PIP5K1B: variants seen among roughly 807,000 people sequenced by gnomAD.
The protein encoded by PIP5K1B is phosphatidylinositol 4-phosphate 5-kinase type-1 beta.
A neutral mutation model predicts 67.0 loss-of-function variants in PIP5K1B; 42 were observed. The ratio of observed to expected loss-of-function variants is 0.63; its 90% CI spans 0.49 to 0.81. The LOEUF is 0.81. Among genes scored for constraint, PIP5K1B ranks in the 30% least tolerant of loss-of-function variants. The probability of loss-of-function intolerance (pLI) is 0.00; values close to 1 mark genes in which losing one functional copy is unlikely to be tolerated. For synonymous variants in PIP5K1B, 214 were observed against 231.4 expected (o/e 0.92, Z 0.68); for missense variants, 459 against 646.3 (o/e 0.71, Z 3.14).
At chr9:69,005,675 G>T (rs116410794) in intron 15 of PIP5K1B, among the ~76,000 whole-genome samples, 2 of 151,836 alleles carry the variant, frequency 1.3e-5, no homozygotes, top group Non-Finnish European at 2.9e-5. Context: ...CACCACACCC[G>T]GACTTTACAG....
chr9:68,842,180 G>T (rs140037627), intron 4 of PIP5K1B, among the ~76,000 whole-genome samples: 1 of 152,160 alleles, frequency 6.6e-6, no homozygotes, highest in African/African-American at 2.4e-5. Context: ...TTGAGAACCC[G>T]GCTTTCATCT....
At chr9:68,804,725 G>A (rs1202563592) in intron 2 of PIP5K1B, among the ~76,000 whole-genome samples, 2 of 151,684 alleles carry the variant, frequency 1.3e-5, no homozygotes, top group Non-Finnish European at 2.9e-5. Context: ...CCAAAGCACT[G>A]GAACTACAGG....
chr9:68,968,709 A>AT lies in PIP5K1B; in HGVS notation c.1503-22430dup, dbSNP rs1237963463. Among the ~76,000 whole-genome samples the AT allele has an allele frequency of 6.7e-4, 93 of 138,614 alleles. 1 individual carries two copies. The highest frequency in any genetic ancestry group is 3.6e-3 in the Middle Eastern group (1 of 274). 90.9% of individuals were successfully genotyped at this position (138,614 alleles called of 152,430 possible). A position where few individuals can be genotyped will look rare whatever the true frequency, so the allele number is the denominator to read the frequency against. Reference sequence around the variant, plus strand: ...TTAGGATCCTTGTTTATATATATATATATATATTTTTTTTTTGCATGTGTT... The same window carrying AT: ...TTAGGATCCTTGTTTATATATATATATTATATATTTTTTTTTTGCATGTGTT... On this transcript the variant is annotated intron_variant, in intron 14 of 15. Transcript: ENST00000265382.
At chr9:68,982,074 C>G (rs1468259036) in intron 14 of PIP5K1B, among the ~76,000 whole-genome samples, 1 of 152,156 alleles carries the variant, frequency 6.6e-6, no homozygotes, top group Non-Finnish European at 1.5e-5. Flanking sequence ...CAGCCTGAAT[C>G]GAGAGAATTG....
intron 1 of PIP5K1B, among the ~76,000 whole-genome samples, chr9:68,720,948 G>T (rs1025883503): frequency 1.3e-5 from 2 of 152,200 alleles, no homozygotes; most frequent in African/African-American, 4.8e-5. Flanking sequence ...CTGTATAACA[G>T]TGATAGCAGC....
At chr9:68,842,270 A>C (rs995478945) in intron 4 of PIP5K1B, among the ~76,000 whole-genome samples, 1 of 152,226 alleles carries the variant, frequency 6.6e-6, no homozygotes, top group Non-Finnish European at 1.5e-5. Flanking sequence ...ACAGGCAGGG[A>C]GGGTGGACAG....
intron 14 of PIP5K1B, among the ~76,000 whole-genome samples, chr9:68,969,353 G>A (rs961420010): frequency 5.6e-5 from 7 of 125,228 alleles, no homozygotes; most frequent in Admixed American, 9.8e-5. Flanking sequence ...GGGCAACAGA[G>A]CGAGACTCCA....
intron 2 of PIP5K1B, among the ~76,000 whole-genome samples, chr9:68,761,402 A>T (rs192133311): frequency 4.5e-4 from 69 of 152,198 alleles, no homozygotes; most frequent in Non-Finnish European, 2.8e-4. Flanking sequence ...TTACAGAAAT[A>T]ATTTATTTCT....
At chr9:68,771,301 G>A (rs917937751) in intron 2 of PIP5K1B, among the ~76,000 whole-genome samples, 5 of 152,152 alleles carry the variant, frequency 3.3e-5, no homozygotes, top group Non-Finnish European at 5.9e-5. Context: ...TTATAAACTC[G>A]CTAGTATCTG....
At chr9:68,788,707 C>A in intron 2 of PIP5K1B, 1 of 260,126 alleles carries the variant, frequency 3.8e-6, no homozygotes. Context: ...GTCAGGCTCA[C>A]GTTTAGGACC....
At chr9:68,820,633 T>C (rs1450962997) in intron 3 of PIP5K1B, among the ~76,000 whole-genome samples, 1 of 152,210 alleles carries the variant, frequency 6.6e-6, no homozygotes, top group Admixed American at 6.5e-5. Context: ...AAGCCCAGAA[T>C]TTAAAGCATG....
At chr9:68,848,570 A>G (rs1417833715) in intron 4 of PIP5K1B, among the ~76,000 whole-genome samples, 2 of 152,184 alleles carry the variant, frequency 1.3e-5, no homozygotes, top group African/African-American at 4.8e-5. Context: ...CTTCTAAAGG[A>G]CTATTTTAAA....
At chr9:68,965,114 G>A (rs1396982793) in intron 14 of PIP5K1B, among the ~76,000 whole-genome samples, 1 of 152,172 alleles carries the variant, frequency 6.6e-6, no homozygotes, top group Non-Finnish European at 1.5e-5. Context: ...CCACTCTGCT[G>A]TTGACCAGCT....
At chr9:68,706,733 A>G (rs751337001) in intron 1 of PIP5K1B, among the ~76,000 whole-genome samples, 3 of 152,182 alleles carry the variant, frequency 2.0e-5, no homozygotes, top group Non-Finnish European at 2.9e-5. Context: ...AGGGACCGGT[A>G]GGACCTCAGA....
intron 2 of PIP5K1B, among the ~76,000 whole-genome samples, chr9:68,811,160 G>C (rs1385274301): frequency 6.6e-6 from 1 of 152,192 alleles, no homozygotes; most frequent in African/African-American, 2.4e-5. Flanking sequence ...TATAACAATA[G>C]AAACGTGTGT....
At chr9:68,993,648 G>GA (rs1830476785) in intron 15 of PIP5K1B, among the ~76,000 whole-genome samples, 1 of 152,028 alleles carries the variant, frequency 6.6e-6, no homozygotes. Context: ...ATTAAATAGG[G>GA]AAAAAAATAC....
chr9:68,807,891 A>G (rs1034673047), intron 2 of PIP5K1B, among the ~76,000 whole-genome samples: 2 of 152,226 alleles, frequency 1.3e-5, no homozygotes, highest in Non-Finnish European at 2.9e-5. Flanking sequence ...ACCCAGTATC[A>G]AATGTATGGT....
intron 2 of PIP5K1B, among the ~76,000 whole-genome samples, chr9:68,756,742 C>G (rs1829946069): frequency 6.6e-6 from 1 of 152,052 alleles, no homozygotes; most frequent in Admixed American, 6.6e-5. Context: ...GCATCTCAAT[C>G]TTTAGAAGAG....
chr9:68,818,287 C>T (rs1430241609), intron 2 of PIP5K1B, among the ~76,000 whole-genome samples, 174 bp from the exon 3 acceptor site: 4 of 152,214 alleles, frequency 2.6e-5, no homozygotes, highest in Non-Finnish European at 2.9e-5. Flanking sequence ...ATGCACAGCC[C>T]TTGCTGATGG....
Sources: allele counts gnomAD v4.1 joint callset (sites outside exome capture counted in the v4.1 genomes callset), GRCh38; gene constraint gnomAD v4.1.1; transcripts MANE v1.5; gene names NCBI Gene and HGNC (gene_info 2026-07-23, HGNC 2026-07-21).